Variants in SLC9A2 observed in about 807,000 individuals in gnomAD.
SLC9A2 encodes the protein sodium/hydrogen exchanger 2.
In SLC9A2, 42 loss-of-function variants were observed where a neutral mutation model predicts 71.7. The observed-to-expected ratio is 0.59, with a 90% CI of 0.46 to 0.76. The LOEUF is 0.76. SLC9A2 is among the 30% of genes least tolerant of loss of function. SLC9A2 has a pLI of 0.00. For missense variants in SLC9A2, 829 were observed against 1,017.4 expected, an observed-to-expected ratio of 0.81 and a Z score of 2.52; for synonymous variants, 396 against 392.5, an observed-to-expected ratio of 1.01 and a Z score of -0.10.
chr2:102,694,723 A>C (rs1677721380), intron 6 of SLC9A2, among the ~76,000 whole-genome samples: 1 of 152,136 alleles, frequency 6.6e-6, no homozygotes, highest in Non-Finnish European at 1.5e-5. Context: ...ATGAGTAGAG[A>C]GACAAGAAGT....
chr2:102,670,376 C>T (rs1249430866), intron 3 of SLC9A2, among the ~76,000 whole-genome samples: 1 of 151,942 alleles, frequency 6.6e-6, no homozygotes, highest in African/African-American at 2.4e-5. Flanking sequence ...TTTCTTTCCT[C>T]AAGGGTACTG....
chr2:102,683,141 C>G (rs764868984), intron 3 of SLC9A2, 120 bp from the exon 4 acceptor site: 1 of 708,228 alleles, frequency 1.4e-6, no homozygotes, highest in Non-Finnish European at 2.5e-6. Flanking sequence ...AAAAATCATT[C>G]GATGATGTTG....
chr2:102,627,163 C>A (rs1034843298), intron 1 of SLC9A2, among the ~76,000 whole-genome samples: 7 of 151,126 alleles, frequency 4.6e-5, no homozygotes, highest in African/African-American at 1.5e-4. Context: ...ATAACAACAA[C>A]AAAAAGCCAG....
chr2:102,708,667 T>TA lies in SLC9A2; in HGVS notation c.*184dup. 1 of 652,944 alleles carries TA rather than the reference T, an allele frequency of 1.5e-6. No individual in the cohort carries two copies. Among genetic ancestry groups the TA allele is most frequent in the Non-Finnish European group, 2.5e-6 (1 of 404,078 alleles). The allele number at this position is 652,944 out of a possible 1,614,324, so 40.4% of individuals were successfully genotyped here. Reference sequence around the variant, plus strand: ...AAATCCGAAGAAAAGGAAAATCGAATAAAAAATAGTCCCACAAAATACCTT... The same window carrying TA: ...AAATCCGAAGAAAAGGAAAATCGAATAAAAAAATAGTCCCACAAAATACCTT... On this transcript the variant is annotated 3_prime_UTR_variant, in exon 12 of 12. Coordinates refer to ENST00000233969, the MANE Select transcript of SLC9A2 (RefSeq NM_003048.6).
intron 3 of SLC9A2, among the ~76,000 whole-genome samples, chr2:102,676,211 G>T (rs1677343169): frequency 6.6e-6 from 1 of 152,150 alleles, no homozygotes; most frequent in Non-Finnish European, 1.5e-5. Flanking sequence ...CATAGACCAG[G>T]AGTCTTCCAC....
At position 102,643,699 on chromosome 2, in the gene SLC9A2, A is replaced by G. The variant is rs142877707; in HGVS notation, c.290-13865A>G. ...GGTGTATAGAGTGGAATAAAGAAAA[A>G]TGCATCTACTCCATCTTCCCAAAAA... On this transcript the variant is annotated intron_variant, in intron 1 of 11. Coordinates refer to ENST00000233969, the MANE Select transcript of SLC9A2 (RefSeq NM_003048.6). 4.7e-4 allele frequency among the ~76,000 whole-genome samples: 71 copies of G among 152,256 alleles called. 1 individual carries two copies. The East Asian group carries it at 0.012, about 25-fold the overall frequency.
intron 7 of SLC9A2, among the ~76,000 whole-genome samples, chr2:102,700,755 A>C (rs1220102096): frequency 6.6e-6 from 1 of 152,178 alleles, no homozygotes; most frequent in Non-Finnish European, 1.5e-5. Context: ...TGAATACTAG[A>C]TTTATGTGCA....
intron 5 of SLC9A2, among the ~76,000 whole-genome samples, chr2:102,689,528 C>A (rs182393297): frequency 5.9e-5 from 9 of 152,046 alleles, no homozygotes; most frequent in Non-Finnish European, 1.2e-4. Flanking sequence ...CTCAAATGTG[C>A]CTTCATTTGT....
chr2:102,633,579 C>A (rs962886391), intron 1 of SLC9A2, among the ~76,000 whole-genome samples: 3 of 152,090 alleles, frequency 2.0e-5, no homozygotes, highest in African/African-American at 7.2e-5. Flanking sequence ...TACACTGCAA[C>A]CCAAAAGTTA....
intron 1 of SLC9A2, among the ~76,000 whole-genome samples, chr2:102,640,717 G>A (rs897224113): frequency 2.6e-5 from 4 of 152,146 alleles, no homozygotes; most frequent in Admixed American, 1.3e-4. Context: ...GGGCCCATTA[G>A]ATAGGTGATG....
At position 102,694,477 on chromosome 2, in the gene SLC9A2, G is replaced by A. The variant is rs748810243; in HGVS notation, c.1489G>A (p.Ala497Thr). The A allele has an allele frequency of 1.9e-6, 3 of 1,541,300 alleles. No homozygotes were observed. The highest frequency in any genetic ancestry group is 2.7e-5 in the African/African-American group (2 of 74,160). The stretch of plus-strand genomic sequence containing the variant: ...CAAGAGGTCCAATAAGAAACAACAA[G>A]CTGTCAGTGAAGAAATCTATTGTCG... ...DVKRSNKKQQ[A>T]VSEEIYCRLF... Residue 497 changes from alanine to threonine, a missense_variant, in exon 6 of 12, where the codon GCT (alanine) becomes ACT (threonine). Transcript: ENST00000233969.
At chr2:102,673,278 A>T (rs2104531949) in intron 3 of SLC9A2, among the ~76,000 whole-genome samples, 1 of 152,362 alleles carries the variant, frequency 6.6e-6, no homozygotes, top group African/African-American at 2.4e-5. Context: ...AAATTGGTAC[A>T]ACGCATAATA....
chr2:102,668,107 G>A (rs145519508), intron 3 of SLC9A2, among the ~76,000 whole-genome samples: 69 of 151,946 alleles, frequency 4.5e-4, no homozygotes, highest in Non-Finnish European at 8.4e-4. Context: ...AACTAAAATT[G>A]TCATGGCTTA....
At chr2:102,632,590 G>C (rs1676397436) in intron 1 of SLC9A2, among the ~76,000 whole-genome samples, 1 of 152,052 alleles carries the variant, frequency 6.6e-6, no homozygotes, top group South Asian at 2.1e-4. Flanking sequence ...CTTGTTTGAA[G>C]ACGCCTTGTA....
intron 7 of SLC9A2, among the ~76,000 whole-genome samples, chr2:102,700,239 C>G (rs1285276704): frequency 2.0e-5 from 3 of 152,150 alleles, no homozygotes; most frequent in African/African-American, 7.2e-5. Flanking sequence ...TAGCCAAAAG[C>G]TCATATCTGG....
At chr2:102,660,164 A>C (rs927049647) in intron 2 of SLC9A2, among the ~76,000 whole-genome samples, 1 of 152,194 alleles carries the variant, frequency 6.6e-6, no homozygotes, top group Non-Finnish European at 1.5e-5. Context: ...CTCAGGAGGC[A>C]CAGAGGCACA....
At position 102,683,386 on chromosome 2, in the gene SLC9A2, T is replaced by C; in HGVS notation, c.1130T>C (p.Phe377Ser). 1 of 1,614,216 alleles carries C rather than the reference T, an allele frequency of 6.2e-7. No individual in the cohort carries two copies. The highest frequency in any genetic ancestry group is 8.5e-7 in the Non-Finnish European group (1 of 1,180,024). ...GTCAGCGAAACCTTGATCTTCATCT[T>C]CATGGGTGTGTCTACCGTGGGCAAG... ...SSVSETLIFI[F>S]MGVSTVGKNH... is the part of the protein sequence containing the mutation. The change falls in exon 4 of 12, where the codon TTC (phenylalanine) becomes TCC (serine). Residue 377 changes from phenylalanine (F) to serine (S), a missense_variant. Physicochemically the swap from Phe to Ser is radical, Grantham distance 155 (BLOSUM62 -2). This residue lies in a region of SLC9A2 where 500 missense variants were observed against 726.3 expected (regional missense o/e 0.69). Coordinates refer to ENST00000233969, the MANE Select transcript of SLC9A2 (RefSeq NM_003048.6).
intron 1 of SLC9A2, among the ~76,000 whole-genome samples, chr2:102,639,581 T>C (rs1017634381): frequency 6.6e-6 from 1 of 152,232 alleles, no homozygotes; most frequent in Admixed American, 6.5e-5. Context: ...GCAATATTTG[T>C]AAGTGAACAA....
In SLC9A2 at chr2:102,672,916, T is replaced by C. The variant is rs572561673; in HGVS notation, c.1004+7566T>C. Among the ~76,000 whole-genome samples, 8 of 152,292 alleles carry C rather than the reference T, an allele frequency of 5.3e-5. No individual in the cohort carries two copies. The East Asian group carries it at 1.5e-3, about 29-fold the overall frequency. On this transcript the variant is annotated intron_variant, in intron 3 of 11. Transcript: ENST00000233969. ...TAAAGGCACTATTTTCATCTCTGTT[T>C]TTATCTGTATTTACTCTGCAGACTG...
Sources: allele counts gnomAD v4.1 joint callset (sites outside exome capture counted in the v4.1 genomes callset), GRCh38; gene constraint gnomAD v4.1.1; regional missense constraint gnomAD v4.1.1; transcripts MANE v1.5; gene names NCBI Gene and HGNC (gene_info 2026-07-23, HGNC 2026-07-21).